Variants in FOCAD observed in about 807,000 individuals in gnomAD.
The protein encoded by FOCAD is focadhesin, also known as KIAA1797.
In FOCAD, 198 loss-of-function variants were observed where a neutral mutation model predicts 225.6. That is an observed-to-expected ratio of 0.88 (90% CI 0.78 to 0.99). The LOEUF is 0.99. FOCAD is among the 50% of genes least tolerant of loss of function. The pLI, the probability that FOCAD is intolerant of heterozygous loss-of-function variation, is 0.00. For missense variants in FOCAD, 2,713 were observed against 2,123.6 expected (o/e 1.28, Z -5.46); for synonymous variants, 897 against 755.0 (o/e 1.19, Z -3.08).
At chr9:20,754,088 G>T (rs1376193609) in intron 5 of FOCAD, among the ~76,000 whole-genome samples, 2 of 152,074 alleles carry the variant, frequency 1.3e-5, no homozygotes, top group African/African-American at 4.8e-5. Flanking sequence ...ACTTGACTCA[G>T]TTAAATTGTG....
At chr9:20,669,040 G>A (rs1172066964) in intron 2 of FOCAD, among the ~76,000 whole-genome samples, 2 of 152,168 alleles carry the variant, frequency 1.3e-5, no homozygotes, top group Non-Finnish European at 2.9e-5. Flanking sequence ...GAGACCGGAG[G>A]ATGGAAGAGA....
chr9:20,661,895 C>A (rs1021331742), intron 2 of FOCAD, among the ~76,000 whole-genome samples: 2 of 151,622 alleles, frequency 1.3e-5, no homozygotes, highest in Admixed American at 1.3e-4. Context: ...AAATGGCCAT[C>A]AAAAAATGCT....
intron 35 of FOCAD, among the ~76,000 whole-genome samples, chr9:20,970,699 A>G (rs1564221817): frequency 6.6e-6 from 1 of 151,866 alleles, no homozygotes; most frequent in Non-Finnish European, 1.5e-5. Context: ...CCTCTGGGAC[A>G]TTTTCTGTTA....
At chr9:20,710,201 A>ACT (rs1022160981) in intron 1 of FOCAD, among the ~76,000 whole-genome samples, 11 of 146,844 alleles carry the variant, frequency 7.5e-5, no homozygotes, top group African/African-American at 2.8e-4. Context: ...TCATCAGAAA[A>ACT]CTCTGTACTT....
Position 20,715,359 on chromosome 9 carries a change from A to G in FOCAD, c.6A>G (p.Ser2=). The change falls in exon 2 of 44, where the codon TCA becomes TCG. Residue 2 remains serine, a synonymous_variant. Coordinates refer to ENST00000338382, the MANE Select transcript of FOCAD (RefSeq NM_001375567.1). M[S]DDIRKRFEFP... ...TACATGTAAGAGAAGCAAAAATGTCAGATGATATCAGGAAAAGGTTTGAAT... is the reference window on the plus strand; with the variant it reads ...TACATGTAAGAGAAGCAAAAATGTCGGATGATATCAGGAAAAGGTTTGAAT... 1 of 1,524,522 alleles carries G rather than the reference A, an allele frequency of 6.6e-7. No homozygotes were observed. Among genetic ancestry groups the G allele is most frequent in the Non-Finnish European group, 8.9e-7 (1 of 1,129,524 alleles). The allele number at this position is 1,524,522 out of a possible 1,614,324, so 94.4% of individuals were successfully genotyped here. A position where few individuals can be genotyped will look rare whatever the true frequency, so the allele number is the denominator to read the frequency against.
chr9:20,948,130 A>C (rs1225425763), intron 30 of FOCAD, 141 bp from the exon 31 acceptor site: 2 of 775,572 alleles, frequency 2.6e-6, no homozygotes, highest in Non-Finnish European at 3.7e-6. Context: ...AAAACACTTA[A>C]GTCTGATTTT....
chr9:20,678,770 C>T (rs942039295), intron 2 of FOCAD, among the ~76,000 whole-genome samples: 1 of 152,210 alleles, frequency 6.6e-6, no homozygotes, highest in African/African-American at 2.4e-5. Context: ...TTTGTAACTA[C>T]ACTCTCTCCT....
At chr9:20,984,900 A>C (rs1841015882) in intron 39 of FOCAD, among the ~76,000 whole-genome samples, 1 of 152,202 alleles carries the variant, frequency 6.6e-6, no homozygotes, top group South Asian at 2.1e-4. Context: ...TTCAGGGTTC[A>C]AGTGATTCGC....
intron 5 of FOCAD, among the ~76,000 whole-genome samples, chr9:20,754,106 T>A (rs1828824872): frequency 6.6e-6 from 1 of 152,130 alleles, no homozygotes; most frequent in Non-Finnish European, 1.5e-5. Context: ...GTGGATCCTT[T>A]CATTTACCTT....
At chr9:20,689,684 AGAG>A (rs750067471) in intron 1 of FOCAD, among the ~76,000 whole-genome samples, 8 of 152,200 alleles carry the variant, frequency 5.3e-5, no homozygotes, top group Non-Finnish European at 1.2e-4. Flanking sequence ...AAGATTATTT[AGAG>A]GAGAAGACAG....
chr9:20,917,442 A>G (rs1163184776), intron 24 of FOCAD, among the ~76,000 whole-genome samples: 1 of 152,224 alleles, frequency 6.6e-6, no homozygotes, highest in Non-Finnish European at 1.5e-5. Flanking sequence ...AACAAAAATT[A>G]CTTGAGTGTC....
chr9:20,851,889 T>G (rs1463599764), intron 15 of FOCAD, among the ~76,000 whole-genome samples: 2 of 151,976 alleles, frequency 1.3e-5, no homozygotes, highest in East Asian at 3.9e-4. Flanking sequence ...CTCATTTGTT[T>G]ATGTATTGTC....
chr9:20,770,073 T>C lies in FOCAD; in HGVS notation c.741T>C (p.Ile247=). 6.2e-7 allele frequency: 1 copy of C among 1,614,094 alleles called. No individual in the cohort carries two copies. Among genetic ancestry groups the C allele is most frequent in the Non-Finnish European group, 8.5e-7 (1 of 1,179,968 alleles). The stretch of plus-strand genomic sequence containing the variant: ...AGACAACAGAGGCGATGATGTTTAT[T>C]GAGGAAGTATGTTTAAGCCTTTTGC... ...LIQTTEAMMF[I]EEVCLSLLRH... is the part of the protein sequence containing the mutation. The change falls in exon 8 of 44, where the codon ATT becomes ATC. Residue 247 remains isoleucine, a synonymous_variant. Coordinates refer to ENST00000338382, the MANE Select transcript of FOCAD (RefSeq NM_001375567.1).
At chr9:20,970,042 C>T (rs1268068447) in intron 35 of FOCAD, among the ~76,000 whole-genome samples, 1 of 150,068 alleles carries the variant, frequency 6.7e-6, no homozygotes, top group Non-Finnish European at 1.5e-5. Flanking sequence ...TTACTGGACT[C>T]CATGGTTTCT....
At chr9:20,669,385 T>C (rs1484819783) in intron 2 of FOCAD, among the ~76,000 whole-genome samples, 1 of 152,174 alleles carries the variant, frequency 6.6e-6, no homozygotes, top group Admixed American at 6.5e-5. Flanking sequence ...TGGTGAAAAC[T>C]TGGTTATTCT....
chr9:20,820,214 C>A, intron 12 of FOCAD, 110 bp from the exon 13 acceptor site: 2 of 734,806 alleles, frequency 2.7e-6, no homozygotes, highest in Non-Finnish European at 4.4e-6. Flanking sequence ...TTGCAGCAAG[C>A]TTTCTTCTCA....
chr9:20,884,423 A>G (rs1050670961), intron 20 of FOCAD, among the ~76,000 whole-genome samples: 15 of 151,934 alleles, frequency 9.9e-5, no homozygotes, highest in Non-Finnish European at 2.2e-4. Flanking sequence ...CAGCCTCCCG[A>G]GTAGCTGGGA....
intron 15 of FOCAD, among the ~76,000 whole-genome samples, chr9:20,856,223 C>T (rs1164843022): frequency 2.0e-5 from 3 of 151,802 alleles, no homozygotes; most frequent in Non-Finnish European, 3.0e-5. Flanking sequence ...CAACAGTGTA[C>T]GAGGGTTCCC....
intron 2 of FOCAD, among the ~76,000 whole-genome samples, chr9:20,673,995 T>TA (rs1418961681): frequency 6.6e-6 from 1 of 152,238 alleles, no homozygotes; most frequent in African/African-American, 2.4e-5. Context: ...GTAAAAAGGC[T>TA]AAATCAAGAC....
Sources: allele counts gnomAD v4.1 joint callset (sites outside exome capture counted in the v4.1 genomes callset), GRCh38; gene constraint gnomAD v4.1.1; transcripts MANE v1.5; gene names NCBI Gene and HGNC (gene_info 2026-07-23, HGNC 2026-07-21).